EPB41: variants seen among roughly 807,000 people sequenced by gnomAD.
The protein encoded by EPB41 is erythrocyte membrane protein band 4.1.
Under a neutral mutation model 108.0 loss-of-function variants are expected in EPB41, and 65 were observed. The ratio of observed to expected loss-of-function variants is 0.60; its 90% CI spans 0.49 to 0.74. The LOEUF is 0.74. Ranked by LOEUF, EPB41 falls within the 30% of genes least tolerant of loss-of-function variation. The pLI is 0.00. For missense variants in EPB41, 875 were observed against 1,037.0 expected (o/e 0.84, Z 2.15); for synonymous variants, 336 against 358.9 (o/e 0.94, Z 0.72).
intron 1 of EPB41, among the ~76,000 whole-genome samples, chr1:28,940,236 T>A (rs888031840): frequency 6.6e-6 from 1 of 152,216 alleles, no homozygotes; most frequent in Admixed American, 6.5e-5. Context: ...TCAGAATAAT[T>A]ATTAGAAGTG....
rs570410581 is a variant in EPB41, at chr1:29,108,585, C to A, written c.2314-751C>A. 2.8e-4 allele frequency among the ~76,000 whole-genome samples: 42 copies of A among 150,928 alleles called. 1 individual carries two copies. The highest frequency in any genetic ancestry group is 1.0e-3 in the African/African-American group (41 of 41,106). ...TTATTTATTTATTTTTAGACAGAGTCTCACTCTGTTGCCCAGGCTGGAAGT... is the reference window on the plus strand; with the variant it reads ...TTATTTATTTATTTTTAGACAGAGTATCACTCTGTTGCCCAGGCTGGAAGT... On this transcript the variant is annotated intron_variant, in intron 17 of 20. Transcript: ENST00000343067.
At chr1:29,053,481 T>C (rs1644857542) in intron 12 of EPB41, 169 bp downstream of exon 12, 2 of 774,092 alleles carry the variant, frequency 2.6e-6, no homozygotes, top group Non-Finnish European at 4.5e-6. Context: ...AATATTTTCG[T>C]AGAGTTATGT....
chr1:28,953,822 A>G (rs1485248027), intron 1 of EPB41, among the ~76,000 whole-genome samples: 1 of 152,238 alleles, frequency 6.6e-6, no homozygotes, highest in Non-Finnish European at 1.5e-5. Context: ...AAAGTTAAGC[A>G]TTTATCAAAA....
intron 16 of EPB41, among the ~76,000 whole-genome samples, chr1:29,068,089 C>G (rs965407053): frequency 6.6e-6 from 1 of 152,146 alleles, no homozygotes; most frequent in Non-Finnish European, 1.5e-5. Context: ...CCTAAATGAA[C>G]AATTCTGAAC....
At chr1:29,084,885 G>T (rs1302082411) in intron 16 of EPB41, among the ~76,000 whole-genome samples, 2 of 152,072 alleles carry the variant, frequency 1.3e-5, no homozygotes, top group African/African-American at 4.8e-5. Context: ...ACCTGTTTGA[G>T]AACTTGCTAA....
rs1423295074 is a variant in EPB41, at chr1:29,119,474, T to A, written c.*2662T>A. ...TTTAATTTGAGAAATAAAGATTTCC[T>A]CCAAGCCACATGAGGACTCTGGCAC... On this transcript the variant is annotated 3_prime_UTR_variant, in exon 21 of 21. Coordinates refer to ENST00000343067, the MANE Select transcript of EPB41 (RefSeq NM_001376013.1). 6.6e-6 allele frequency: 1 copy of A among 152,366 alleles called. No individual in the cohort carries two copies. The highest frequency in any genetic ancestry group is 2.4e-5 in the African/African-American group (1 of 41,450). 9.4% of individuals were successfully genotyped at this position (152,366 alleles called of 1,614,324 possible).
Position 28,890,110 on chromosome 1 carries a change from T to A in EPB41, c.-8+2900T>A, listed in dbSNP as rs370585851. Among the ~76,000 whole-genome samples the A allele has an allele frequency of 5.9e-5, 9 of 152,260 alleles. No individual in the cohort carries two copies. In the South Asian group the frequency reaches 6.2e-4, roughly 11 times the overall value. On this transcript the variant is annotated intron_variant, in intron 1 of 16. Transcript: ENST00000347529. ...TGGAGTGCAGTGGCATGATCTCAGC[T>A]CACTGCAACCTTCACCTCCTGGATT...
chr1:28,976,411 A>G (rs1389386848), intron 1 of EPB41, among the ~76,000 whole-genome samples: 7 of 152,124 alleles, frequency 4.6e-5, no homozygotes, highest in African/African-American at 1.7e-4. Flanking sequence ...CTGGAGTGTA[A>G]TGGCAGGATC....
In EPB41 at chr1:29,013,431, G is replaced by T. The variant is rs146037029; in HGVS notation, c.829+1524G>T. Among the ~76,000 whole-genome samples, 571 of 152,182 alleles carry T rather than the reference G, an allele frequency of 3.8e-3. 6 individuals are homozygous for T. Among genetic ancestry groups the T allele is most frequent in the African/African-American group, 0.013 (530 of 41,510 alleles). On this transcript the variant is annotated intron_variant, in intron 5 of 20. Transcript: ENST00000343067. Reference sequence around the variant, plus strand: ...TGTCCCTCACAAAAACTTTAATAGAGAATCAAACTGTAAACATTTTTTTAA... The same window carrying T: ...TGTCCCTCACAAAAACTTTAATAGATAATCAAACTGTAAACATTTTTTTAA...
intron 1 of EPB41, among the ~76,000 whole-genome samples, chr1:28,966,378 T>G (rs980051277): frequency 1.3e-5 from 2 of 152,212 alleles, no homozygotes; most frequent in African/African-American, 4.8e-5. Context: ...AAGTAGTTTC[T>G]GGCCTTTGGA....
chr1:28,964,866 C>T (rs1300071416), intron 1 of EPB41, among the ~76,000 whole-genome samples: 2 of 152,076 alleles, frequency 1.3e-5, no homozygotes, highest in Non-Finnish European at 2.9e-5. Flanking sequence ...TTGATCATGC[C>T]CTCTCCTCCT....
intron 16 of EPB41, among the ~76,000 whole-genome samples, chr1:29,088,858 C>T (rs993916524): frequency 1.3e-5 from 2 of 152,150 alleles, no homozygotes; most frequent in Non-Finnish European, 2.9e-5. Context: ...GCCTGTAGTC[C>T]TAGCTAATCG....
chr1:28,921,668 A>G (rs772546583), intron 1 of EPB41, among the ~76,000 whole-genome samples: 23 of 151,714 alleles, frequency 1.5e-4, no homozygotes, highest in African/African-American at 2.4e-4. Flanking sequence ...CAGTCTTTCC[A>G]GTCTTGATGG....
chr1:28,943,813 A>G (rs1303665625), intron 1 of EPB41, among the ~76,000 whole-genome samples: 1 of 152,202 alleles, frequency 6.6e-6, no homozygotes, highest in Non-Finnish European at 1.5e-5. Flanking sequence ...AGGTTCCTCA[A>G]AAGACTAAAT....
At chr1:29,063,484 G>A (rs912682556) in intron 15 of EPB41, among the ~76,000 whole-genome samples, 2 of 152,086 alleles carry the variant, frequency 1.3e-5, no homozygotes, top group Non-Finnish European at 2.9e-5. Flanking sequence ...AATCAAAATC[G>A]TCTCACTGAT....
At chr1:28,982,761 C>T (rs2095788410) in intron 1 of EPB41, among the ~76,000 whole-genome samples, 1 of 152,096 alleles carries the variant, frequency 6.6e-6, no homozygotes, top group Admixed American at 6.6e-5. Flanking sequence ...ATAACTTATA[C>T]CTGTATGACT....
intron 17 of EPB41, among the ~76,000 whole-genome samples, chr1:29,105,116 C>A (rs1026407871): frequency 6.6e-6 from 1 of 152,220 alleles, no homozygotes; most frequent in Non-Finnish European, 1.5e-5. Flanking sequence ...ATAGCCTTTT[C>A]CATCTGATTT....
chr1:28,981,662 G>A (rs1415085141), intron 1 of EPB41, among the ~76,000 whole-genome samples: 7 of 152,128 alleles, frequency 4.6e-5, no homozygotes, highest in African/African-American at 1.7e-4. Context: ...TCCATTACTG[G>A]AGGTATAAAT....
At chr1:29,077,151 G>A (rs189163361) in intron 16 of EPB41, among the ~76,000 whole-genome samples, 1 of 152,128 alleles carries the variant, frequency 6.6e-6, no homozygotes, top group Non-Finnish European at 1.5e-5. Context: ...CCTGTATCCA[G>A]CCCAGAAGCC....
Sources: gnomAD v4.1 joint callset for allele counts (sites outside exome capture counted in the v4.1 genomes callset) on GRCh38, gnomAD v4.1.1 for gene constraint, MANE v1.5 for transcripts, NCBI Gene and HGNC (gene_info 2026-07-23, HGNC 2026-07-21) for gene names.